ZNF107: variants seen among roughly 807,000 people sequenced by gnomAD.
ZNF107 encodes zinc finger protein 107.
ZNF107 carries 19 observed loss-of-function variants against 12.3 expected under a neutral mutation model. The observed-to-expected ratio is 1.55, with a 90% confidence interval of 1.08 to 2.27. The LOEUF (loss-of-function observed/expected upper bound fraction) is 2.27. Ranked by LOEUF, ZNF107 falls within the 30% of genes most tolerant of loss-of-function variation. The pLI is 0.00. For synonymous variants in ZNF107, 317 were observed against 330.5 expected (o/e 0.96, Z 0.44); for missense variants, 958 against 979.9 (o/e 0.98, Z 0.30).
At position 64,708,251 on chromosome 7, in the gene ZNF107, A is replaced by G; in HGVS notation, c.2154A>G (p.Ser718=). The G allele has an allele frequency of 6.2e-7, 1 of 1,613,710 alleles. No homozygotes were observed. The highest frequency in any genetic ancestry group is 8.5e-7 in the Non-Finnish European group (1 of 1,179,802). ...AECGKAFNCS[S]TLNRHKIIHT... ...GTGGCAAAGCCTTTAACTGCTCCTC[A>G]ACCCTTAATAGACATAAGATAATTC... The change falls in exon 4 of 4, where the codon TCA becomes TCG. Residue 718 remains serine (S), a synonymous_variant. Coordinates refer to ENST00000620827, the MANE Select transcript of ZNF107 (RefSeq NM_001282359.2).
At chr7:64,666,368 C>A in intron 1 of ZNF107, 83 bp downstream of exon 1, 1 of 1,548,262 alleles carries the variant, frequency 6.5e-7, no homozygotes, top group Non-Finnish European at 8.8e-7. Context: ...TGGACTCGGG[C>A]CTCCAAAGTC....
rs1320215581 is a variant in ZNF107, at chr7:64,666,302, C to G, written c.3+17C>G. On this transcript the variant is annotated intron_variant, in intron 1 of 3. Transcript: ENST00000620827. Reference sequence around the variant, plus strand: ...CTAGAAATGGTGAGAGTGCTGGGTCCGACATCCCGAGAGAGGGGGAGGGGC... The same window carrying G: ...CTAGAAATGGTGAGAGTGCTGGGTCGGACATCCCGAGAGAGGGGGAGGGGC... 6.2e-7 allele frequency: 1 copy of G among 1,608,688 alleles called. No homozygotes were observed. The highest frequency in any genetic ancestry group is 1.3e-5 in the African/African-American group (1 of 74,772).
At position 64,706,706 on chromosome 7, in the gene ZNF107, T is replaced by A; in HGVS notation, c.609T>A (p.Cys203Ter). 1 of 1,612,546 alleles carries A rather than the reference T, an allele frequency of 6.2e-7. No individual in the cohort carries two copies. Residue 203 changes from cysteine (C) to a stop codon, truncating the protein, a stop_gained, in exon 4 of 4, where the codon TGT becomes TGA. Coordinates refer to ENST00000620827, the MANE Select transcript of ZNF107 (RefSeq NM_001282359.2). LOFTEE classifies it low-confidence loss of function (END_TRUNC). Reference protein sequence around the residue: ...RIHTRVNSYKCEECGKAFNWF... With the variant: ...RIHTRVNSYK ...ATACTAGAGTGAATTCCTACAAATG[T>A]GAAGAATGTGGAAAAGCCTTTAACT...
intron 1 of ZNF107, among the ~76,000 whole-genome samples, chr7:64,689,171 C>CT (rs535486799): frequency 5.4e-4 from 82 of 152,296 alleles, no homozygotes; most frequent in Middle Eastern, 6.8e-3. Flanking sequence ...GAGGCGATCT[C>CT]TCCTTTGGTT....
At chr7:64,668,739 G>A (rs1200297319) in intron 1 of ZNF107, among the ~76,000 whole-genome samples, 3 of 151,966 alleles carry the variant, frequency 2.0e-5, no homozygotes, top group Non-Finnish European at 2.9e-5. Context: ...ACTCAGGTGT[G>A]TTTTTTATGG....
In ZNF107 at chr7:64,708,779, C is replaced by G; in HGVS notation, c.*123C>G. ...TTCTGCACACACGAGGTATTTTATA[C>G]TGGTGAGAAACCTTACAATGTAAAG... is the stretch of plus-strand genomic sequence containing the variant. On this transcript the variant is annotated 3_prime_UTR_variant, in exon 4 of 4. Transcript: ENST00000620827. 6 of 942,860 alleles carry G rather than the reference C, an allele frequency of 6.4e-6. No individual in the cohort carries two copies. Among genetic ancestry groups the G allele is most frequent in the Non-Finnish European group, 9.4e-6 (6 of 639,528 alleles). 58.4% of individuals were successfully genotyped at this position (942,860 alleles called of 1,614,324 possible). A position where few individuals can be genotyped will look rare whatever the true frequency, so the allele number is the denominator to read the frequency against.
chr7:64,671,988 G>A (rs1240923084), intron 1 of ZNF107, among the ~76,000 whole-genome samples: 4 of 151,440 alleles, frequency 2.6e-5, no homozygotes, highest in South Asian at 2.1e-4. Flanking sequence ...GGGTTTCACC[G>A]TGTTAACCAG....
At chr7:64,686,121 C>T (rs373649627) in intron 1 of ZNF107, among the ~76,000 whole-genome samples, 13 of 152,088 alleles carry the variant, frequency 8.5e-5, no homozygotes, top group African/African-American at 2.9e-4. Flanking sequence ...TCCTAACCGT[C>T]GAAAAAGGTG....
At chr7:64,679,878 G>A (rs1175772531) in intron 1 of ZNF107, among the ~76,000 whole-genome samples, 1 of 151,906 alleles carries the variant, frequency 6.6e-6, no homozygotes, top group Admixed American at 6.6e-5. Flanking sequence ...TTTACACTTC[G>A]GTCCCTCCCC....
intron 1 of ZNF107, among the ~76,000 whole-genome samples, chr7:64,667,110 G>A (rs1789034833): frequency 6.6e-6 from 1 of 152,160 alleles, no homozygotes; most frequent in African/African-American, 2.4e-5. Context: ...ACACTCCACA[G>A]GGGACAGATT....
intron 1 of ZNF107, chr7:64,686,643 T>C: frequency 1.0e-6 from 1 of 985,246 alleles, no homozygotes; most frequent in Non-Finnish European, 1.2e-6. Flanking sequence ...GACCAGCACA[T>C]ATGCCTCCAG....
intron 1 of ZNF107, among the ~76,000 whole-genome samples, chr7:64,670,123 G>A (rs547151553): frequency 6.6e-6 from 1 of 152,170 alleles, no homozygotes; most frequent in Non-Finnish European, 1.5e-5. Flanking sequence ...TCTTACTAAA[G>A]ATGAAGTTGT....
At position 64,709,649 on chromosome 7, in the gene ZNF107, G is replaced by C; in HGVS notation, c.*993G>C. 2.2e-6 allele frequency: 1 copy of C among 448,998 alleles called. No homozygotes were observed. The highest frequency in any genetic ancestry group is 1.6e-5 in the South Asian group (1 of 62,568). 27.8% of individuals were successfully genotyped at this position (448,998 alleles called of 1,614,324 possible). On this transcript the variant is annotated 3_prime_UTR_variant, in exon 4 of 4. Transcript: ENST00000620827. ...AAATGTGGCAACACTTTTAATAAATGCTCACCCCTTATTGCACAGGAAAGC... is the reference window on the plus strand; with the variant it reads ...AAATGTGGCAACACTTTTAATAAATCCTCACCCCTTATTGCACAGGAAAGC...
At chr7:64,668,375 C>G (rs1789089214) in intron 1 of ZNF107, among the ~76,000 whole-genome samples, 1 of 134,750 alleles carries the variant, frequency 7.4e-6, no homozygotes, top group Non-Finnish European at 1.5e-5. Context: ...TCTCATTGTT[C>G]AATTCCCACC....
intron 1 of ZNF107, among the ~76,000 whole-genome samples, chr7:64,685,699 C>T (rs897008670): frequency 1.3e-5 from 2 of 152,166 alleles, no homozygotes; most frequent in Admixed American, 6.6e-5. Context: ...CAAATTCACA[C>T]ACCTTTTTAA....
chr7:64,667,499 A>G (rs1484867208), intron 1 of ZNF107, among the ~76,000 whole-genome samples: 1 of 152,218 alleles, frequency 6.6e-6, no homozygotes, highest in African/African-American at 2.4e-5. Flanking sequence ...TTTTGGGTCA[A>G]GGTTTCCCTT....
At position 64,708,463 on chromosome 7, in the gene ZNF107, A is replaced by G. The variant is rs201069644; in HGVS notation, c.2366A>G (p.Tyr789Cys). 106 of 1,606,228 alleles carry G rather than the reference A, an allele frequency of 6.6e-5. No individual in the cohort carries two copies. The Middle Eastern group carries it at 6.6e-4, about 10-fold the overall frequency. Residue 789 changes from tyrosine (Y) to cysteine (C), a missense_variant, in exon 4 of 4, where the codon TAC (tyrosine) becomes TGC (cysteine). Transcript: ENST00000620827. ...AAAATTCATACTTCAGAGAAACCCT[A>G]CAAATGTGAAGAATGTGGCAAATCC... ...HKKIHTSEKP[Y>C]KCEECGKSFN...
In ZNF107 at chr7:64,708,657, T is replaced by C; in HGVS notation, c.*1T>C. On this transcript the variant is annotated 3_prime_UTR_variant, in exon 4 of 4. Coordinates refer to ENST00000620827, the MANE Select transcript of ZNF107 (RefSeq NM_001282359.2). ...CAAATGTGAGTATGGCAAAACTTAA[T>C]TGATCCTACAAGCTTACTACACATA... The C allele has an allele frequency of 6.3e-7, 1 of 1,591,872 alleles. No homozygotes were observed. The highest frequency in any genetic ancestry group is 8.6e-7 in the Non-Finnish European group (1 of 1,168,236).
intron 1 of ZNF107, among the ~76,000 whole-genome samples, chr7:64,676,118 C>T (rs956544864): frequency 1.3e-5 from 2 of 152,218 alleles, no homozygotes; most frequent in Non-Finnish European, 2.9e-5. Context: ...TCCCAAAGTG[C>T]TGGGACTACA....
Sources: gnomAD v4.1 joint callset for allele counts (sites outside exome capture counted in the v4.1 genomes callset) on GRCh38, gnomAD v4.1.1 for gene constraint, MANE v1.5 for transcripts, NCBI Gene and HGNC (gene_info 2026-07-23, HGNC 2026-07-21) for gene names.